Variants in LYPD6B observed in about 807,000 individuals in gnomAD.
The protein encoded by LYPD6B is ly6/PLAUR domain-containing protein 6B.
LYPD6B carries 17 observed loss-of-function variants against 22.8 expected under a neutral mutation model. The observed-to-expected ratio is 0.75, with a 90% CI of 0.51 to 1.12. LYPD6B has a LOEUF of 1.12. Among genes scored for constraint, LYPD6B ranks in the 50% most tolerant of loss-of-function variants. LYPD6B has a pLI of 0.00. For missense variants in LYPD6B, 221 were observed against 258.3 expected (o/e 0.86, Z 0.99); for synonymous variants, 106 against 91.6 (o/e 1.16, Z -0.90).
intron 1 of LYPD6B, among the ~76,000 whole-genome samples, chr2:149,040,208 TCTCTCTCTCTC>T: frequency 1.4e-5 from 2 of 142,488 alleles, no homozygotes; most frequent in East Asian, 4.1e-4. Flanking sequence ...TCTCTGTCTC[TCTCTCTCTCTC>T]TCTTTTTTTT....
At chr2:149,168,971 C>T (rs935310364) in intron 3 of LYPD6B, among the ~76,000 whole-genome samples, 2 of 152,160 alleles carry the variant, frequency 1.3e-5, no homozygotes, top group Non-Finnish European at 2.9e-5. Flanking sequence ...TAGACAGTTA[C>T]TTGTCATCTA....
chr2:149,212,093 T>C (rs571432140), intron 5 of LYPD6B, among the ~76,000 whole-genome samples: 1 of 152,012 alleles, frequency 6.6e-6, no homozygotes, highest in African/African-American at 2.4e-5. Flanking sequence ...ATTAGGTTGG[T>C]GCAGCCGGGC....
intron 2 of LYPD6B, among the ~76,000 whole-genome samples, chr2:149,131,932 C>T (rs1688055189): frequency 6.6e-6 from 1 of 152,240 alleles, no homozygotes; most frequent in South Asian, 2.1e-4. Context: ...GAATCTTAGA[C>T]AGCACTCTCA....
chr2:149,166,663 C>T (rs984188970), intron 3 of LYPD6B, among the ~76,000 whole-genome samples: 4 of 152,142 alleles, frequency 2.6e-5, no homozygotes, highest in Non-Finnish European at 4.4e-5. Flanking sequence ...ACACCCTCAT[C>T]GTCTTATGTG....
intron 3 of LYPD6B, among the ~76,000 whole-genome samples, chr2:149,199,360 C>T (rs1251841092): frequency 6.6e-6 from 1 of 152,166 alleles, no homozygotes; most frequent in Non-Finnish European, 1.5e-5. Context: ...TATTCCTCCT[C>T]TCAAAGATGA....
intron 1 of LYPD6B, among the ~76,000 whole-genome samples, chr2:149,064,481 GAC>G (rs1684235415): frequency 1.3e-5 from 2 of 152,188 alleles, no homozygotes; most frequent in South Asian, 4.1e-4. Flanking sequence ...CAGTAAAAGA[GAC>G]ATGTTAATTA....
intron 1 of LYPD6B, among the ~76,000 whole-genome samples, chr2:149,072,508 T>TTTTATTTTATTTTA (rs1222810424): frequency 1.2e-4 from 18 of 146,224 alleles, no homozygotes; most frequent in African/African-American, 4.5e-4. Context: ...TTTTATTTTA[T>TTTTATTTTATTTTA]TTTATTTTAT....
At chr2:149,160,465 G>A (rs1473928779) in intron 2 of LYPD6B, 2 of 505,240 alleles carry the variant, frequency 4.0e-6, no homozygotes, top group East Asian at 1.1e-4. Flanking sequence ...CCATTTTTGT[G>A]GAGGGATGTG....
chr2:149,183,660 G>A (rs1006183470), intron 3 of LYPD6B, among the ~76,000 whole-genome samples: 45 of 152,024 alleles, frequency 3.0e-4, no homozygotes, highest in Admixed American at 8.5e-4. Context: ...CTATAGCAAC[G>A]GCCACAGGTT....
Position 149,214,517 on chromosome 2 carries a change from G to A in LYPD6B, c.460-29G>A, listed in dbSNP as rs115149040. On this transcript the variant is annotated intron_variant, in intron 6 of 6. Coordinates refer to ENST00000409642, the MANE Select transcript of LYPD6B (RefSeq NM_177964.5). ...CCCCTTCCCTCTTCTATTATTCACT[G>A]TCATTTCCTCTCTCCTTTTTTGTAA... The A allele has an allele frequency of 3.1e-4, 492 of 1,608,156 alleles. 2 individuals carry two copies. The African/African-American group carries it at 5.0e-3, about 16-fold the overall frequency.
At chr2:149,182,707 A>T (rs1691826787) in intron 3 of LYPD6B, among the ~76,000 whole-genome samples, 1 of 152,338 alleles carries the variant, frequency 6.6e-6, no homozygotes, top group East Asian at 1.9e-4. Flanking sequence ...AGTCCCCTTC[A>T]GTAGGAATGA....
At chr2:149,067,714 AT>A (rs1684404528) in intron 1 of LYPD6B, among the ~76,000 whole-genome samples, 1 of 151,932 alleles carries the variant, frequency 6.6e-6, no homozygotes, top group Non-Finnish European at 1.5e-5. Context: ...TTTTATTTAA[AT>A]TTTATATAAT....
intron 1 of LYPD6B, among the ~76,000 whole-genome samples, chr2:149,112,200 G>A (rs1300030322): frequency 6.6e-6 from 1 of 152,164 alleles, no homozygotes; most frequent in Non-Finnish European, 1.5e-5. Flanking sequence ...AGACTTAGGT[G>A]TCTTAGAGGA....
chr2:149,092,860 A>G (rs1001472479), intron 1 of LYPD6B, among the ~76,000 whole-genome samples: 15 of 151,998 alleles, frequency 9.9e-5, no homozygotes, highest in African/African-American at 3.6e-4. Flanking sequence ...GGTATTTTTT[A>G]TTTTTATGTG....
chr2:149,132,789 T>C (rs1462145196), intron 2 of LYPD6B, among the ~76,000 whole-genome samples: 1 of 152,196 alleles, frequency 6.6e-6, no homozygotes, highest in South Asian at 2.1e-4. Flanking sequence ...AGTAGAACAC[T>C]TTGGTAGCAA....
chr2:149,055,467 T>C (rs1274831358), intron 1 of LYPD6B, among the ~76,000 whole-genome samples: 1 of 152,230 alleles, frequency 6.6e-6, no homozygotes, highest in South Asian at 2.1e-4. Flanking sequence ...TGTAAATCAA[T>C]GTGAAGAGTA....
At chr2:149,040,904 T>C (rs1047697706) in intron 1 of LYPD6B, among the ~76,000 whole-genome samples, 12 of 152,220 alleles carry the variant, frequency 7.9e-5, no homozygotes, top group Admixed American at 1.3e-4. Context: ...GCTCAACATA[T>C]GCCAGGGCCT....
chr2:149,062,060 C>T (rs561194398), intron 1 of LYPD6B, among the ~76,000 whole-genome samples: 34 of 151,764 alleles, frequency 2.2e-4, no homozygotes, highest in Admixed American at 3.9e-4. Context: ...CATCTCAGCT[C>T]ACCACAAACT....
intron 3 of LYPD6B, among the ~76,000 whole-genome samples, chr2:149,175,024 T>TCC (rs2105950059): frequency 1.2e-5 from 1 of 86,146 alleles, no homozygotes; most frequent in African/African-American, 5.7e-5. Context: ...ATCTCTTTAA[T>TCC]CTCTCTCTCT....
Sources: allele counts gnomAD v4.1 joint callset (sites outside exome capture counted in the v4.1 genomes callset), GRCh38; gene constraint gnomAD v4.1.1; transcripts MANE v1.5; gene names NCBI Gene and HGNC (gene_info 2026-07-23, HGNC 2026-07-21).